ZFPM2: variants seen among roughly 807,000 people sequenced by gnomAD.
The protein encoded by ZFPM2 is zinc finger protein, FOG family member 2.
ZFPM2 carries 20 observed loss-of-function variants against 98.6 expected under a neutral mutation model. The observed-to-expected ratio is 0.20, with a 90% CI of 0.14 to 0.29. ZFPM2 has a LOEUF of 0.29. Ranked by LOEUF, ZFPM2 falls within the 10% of genes least tolerant of loss-of-function variation. ZFPM2 has a pLI of 1.00. For synonymous variants in ZFPM2, 518 were observed against 502.7 expected (o/e 1.03, Z -0.41); for missense variants, 1,310 against 1,388.6 (o/e 0.94, Z 0.90).
At chr8:105,454,138 C>T (rs2130266107) in intron 3 of ZFPM2, among the ~76,000 whole-genome samples, 1 of 152,122 alleles carries the variant, frequency 6.6e-6, no homozygotes, top group East Asian at 1.9e-4. Context: ...TATGAAAAGT[C>T]TTTTCGAATG....
At chr8:105,525,529 TG>T (rs1322593439) in intron 3 of ZFPM2, among the ~76,000 whole-genome samples, 1 of 152,200 alleles carries the variant, frequency 6.6e-6, no homozygotes, top group Non-Finnish European at 1.5e-5. Context: ...GCATGTTCCA[TG>T]TGTAAAAACC....
At chr8:105,648,565 G>C (rs1390310032) in intron 5 of ZFPM2, among the ~76,000 whole-genome samples, 1 of 152,174 alleles carries the variant, frequency 6.6e-6, no homozygotes, top group Non-Finnish European at 1.5e-5. Context: ...TAAGGTGTAA[G>C]GAAAGGATCC....
intron 3 of ZFPM2, among the ~76,000 whole-genome samples, chr8:105,478,089 C>T (rs985300036): frequency 1.3e-5 from 2 of 152,162 alleles, no homozygotes; most frequent in Non-Finnish European, 2.9e-5. Flanking sequence ...AGTCATTTGA[C>T]ATAACTCTAC....
At chr8:105,545,980 A>G (rs1197679915) in intron 3 of ZFPM2, among the ~76,000 whole-genome samples, 1 of 152,092 alleles carries the variant, frequency 6.6e-6, no homozygotes, top group Admixed American at 6.6e-5. Context: ...GTTGCCCTTT[A>G]CAGCCACATA....
At chr8:105,480,759 T>A (rs979121181) in intron 3 of ZFPM2, among the ~76,000 whole-genome samples, 1 of 152,044 alleles carries the variant, frequency 6.6e-6, no homozygotes, top group African/African-American at 2.4e-5. Context: ...TACATTTTTT[T>A]TTTTTTTTTG....
chr8:105,333,257 A>G (rs1450860823), intron 1 of ZFPM2, among the ~76,000 whole-genome samples: 1 of 151,726 alleles, frequency 6.6e-6, no homozygotes, highest in Non-Finnish European at 1.5e-5. Flanking sequence ...TAATAACAAC[A>G]TCGTAGCTGA....
chr8:105,594,486 G>C (rs116114474), intron 4 of ZFPM2, among the ~76,000 whole-genome samples: 1,594 of 152,174 alleles, frequency 0.01, 22 homozygotes, highest in African/African-American at 0.033. Context: ...TTTATGTATA[G>C]TAAGTGGTTT....
At chr8:105,490,598 A>T (rs1421707907) in intron 3 of ZFPM2, among the ~76,000 whole-genome samples, 1 of 152,210 alleles carries the variant, frequency 6.6e-6, no homozygotes, top group African/African-American at 2.4e-5. Flanking sequence ...TAAACAAGTG[A>T]TATTGAGCTA....
chr8:105,509,637 A>G (rs1401759015), intron 3 of ZFPM2, among the ~76,000 whole-genome samples: 1 of 152,126 alleles, frequency 6.6e-6, no homozygotes, highest in African/African-American at 2.4e-5. Flanking sequence ...GAGTCAATAA[A>G]TGGCTCCCAT....
intron 1 of ZFPM2, among the ~76,000 whole-genome samples, chr8:105,357,479 G>C (rs541251431): frequency 2.0e-5 from 3 of 152,102 alleles, no homozygotes; most frequent in African/African-American, 7.2e-5. Flanking sequence ...GATGGTAAGC[G>C]TTTACTTCAG....
At chr8:105,494,336 G>T (rs548346743) in intron 3 of ZFPM2, among the ~76,000 whole-genome samples, 4 of 150,406 alleles carry the variant, frequency 2.7e-5, no homozygotes, top group Non-Finnish European at 4.4e-5. Context: ...TATCCATTCC[G>T]CACGCTTAAG....
chr8:105,702,208 G>A (rs1337134789), intron 5 of ZFPM2, among the ~76,000 whole-genome samples: 3 of 152,136 alleles, frequency 2.0e-5, no homozygotes. Flanking sequence ...AGAACAAGCA[G>A]GTTTCCAACT....
chr8:105,397,485 C>T (rs1423828344), intron 1 of ZFPM2, among the ~76,000 whole-genome samples: 2 of 152,046 alleles, frequency 1.3e-5, no homozygotes, highest in African/African-American at 4.8e-5. Context: ...TTCATGATCA[C>T]TATTAATTTT....
chr8:105,790,811 T>G (rs1337852414), intron 6 of ZFPM2, among the ~76,000 whole-genome samples: 1 of 152,210 alleles, frequency 6.6e-6, no homozygotes, highest in Non-Finnish European at 1.5e-5. Flanking sequence ...GTCCTTCACA[T>G]CCCTTGTAAG....
At chr8:105,540,885 A>G (rs1814562339) in intron 3 of ZFPM2, among the ~76,000 whole-genome samples, 1 of 152,176 alleles carries the variant, frequency 6.6e-6, no homozygotes, top group Admixed American at 6.5e-5. Context: ...CTTCCATTTC[A>G]TCAAGTTATT....
At chr8:105,444,473 A>C (rs529713270) in intron 3 of ZFPM2, 92 bp downstream of exon 3, 7 of 924,304 alleles carry the variant, frequency 7.6e-6, no homozygotes, top group Non-Finnish European at 1.1e-5. Context: ...GCTTGCAAAA[A>C]ATGTTTTTGT....
At position 105,802,935 on chromosome 8, in the gene ZFPM2, C is replaced by G. The variant is rs1814083666; in HGVS notation, c.2853C>G (p.Leu951=). The G allele has an allele frequency of 6.2e-7, 1 of 1,613,106 alleles. No individual in the cohort carries two copies. Among genetic ancestry groups the G allele is most frequent in the Admixed American group, 1.7e-5 (1 of 59,846 alleles). ...GLKVFSEAAQ[L]IATKEENRHL... The stretch of plus-strand genomic sequence containing the variant: ...AGGTCTTTAGTGAAGCTGCTCAGCT[C>G]ATTGCTACAAAAGAAGAAAACAGAC... Residue 951 remains leucine (L), a synonymous_variant, in exon 8 of 8, where the codon CTC becomes CTG. Transcript: ENST00000407775.
chr8:105,500,686 A>G lies in ZFPM2; in HGVS notation c.301+56305A>G, dbSNP rs148496127. ...GTATTGAAGAAAATACTATAATCAA[A>G]AAACATTCTGTCTAAACATAAACCT... On this transcript the variant is annotated intron_variant, in intron 3 of 7. Coordinates refer to ENST00000407775, the MANE Select transcript of ZFPM2 (RefSeq NM_012082.4). Among the ~76,000 whole-genome samples the G allele has an allele frequency of 1.4e-3, 216 of 152,336 alleles. 2 individuals carry two copies. The highest frequency in any genetic ancestry group is 4.9e-3 in the African/African-American group (202 of 41,598).
At chr8:105,780,116 A>G (rs1235305072) in intron 5 of ZFPM2, 2 of 152,200 alleles carry the variant, frequency 1.3e-5, no homozygotes, top group Non-Finnish European at 2.9e-5. Context: ...TTGAATAAGT[A>G]TTTGTCCTTT....
Sources: gnomAD v4.1 joint callset for allele counts (sites outside exome capture counted in the v4.1 genomes callset) on GRCh38, gnomAD v4.1.1 for gene constraint, MANE v1.5 for transcripts, NCBI Gene and HGNC (gene_info 2026-07-23, HGNC 2026-07-21) for gene names.